TUBA1C: variants seen among roughly 807,000 people sequenced by gnomAD.
TUBA1C encodes the protein tubulin alpha 1c, also known as tubulin alpha-1C chain.
TUBA1C carries 16 observed loss-of-function variants against 34.9 expected under a neutral mutation model. The observed-to-expected ratio is 0.46, with a 90% CI of 0.31 to 0.70. The LOEUF (loss-of-function observed/expected upper bound fraction) is 0.70. TUBA1C is among the 30% of genes least tolerant of loss of function. TUBA1C has a pLI of 0.05. For missense variants in TUBA1C, 329 were observed against 587.3 expected, an observed-to-expected ratio of 0.56 and a Z score of 4.55; for synonymous variants, 177 against 215.9, an observed-to-expected ratio of 0.82 and a Z score of 1.58.
At chr12:49,254,805 G>A (rs1258309686) in intron 1 of TUBA1C, among the ~76,000 whole-genome samples, 1 of 152,024 alleles carries the variant, frequency 6.6e-6, no homozygotes, top group Non-Finnish European at 1.5e-5. Flanking sequence ...TTGTCTTTCT[G>A]GTGACCAGAC....
chr12:49,229,242 C>T (rs1359468973), intron 1 of TUBA1C, among the ~76,000 whole-genome samples: 1 of 152,046 alleles, frequency 6.6e-6, no homozygotes, highest in Non-Finnish European at 1.5e-5. Context: ...GGCATAATCT[C>T]GGCTCACTGC....
At chr12:49,246,053 C>A (rs113649300) in intron 1 of TUBA1C, among the ~76,000 whole-genome samples, 1 of 151,878 alleles carries the variant, frequency 6.6e-6, no homozygotes, top group Admixed American at 6.6e-5. Context: ...TACAGGCATG[C>A]GCCACCACGC....
At chr12:49,239,937 G>A (rs1472912865) in intron 1 of TUBA1C, among the ~76,000 whole-genome samples, 2 of 151,958 alleles carry the variant, frequency 1.3e-5, no homozygotes, top group Non-Finnish European at 2.9e-5. Flanking sequence ...TATTCCACTT[G>A]TGTGGCACAA....
chr12:49,263,034 T>TC (rs2137012808), upstream of TUBA1C, among the ~76,000 whole-genome samples: 1 of 150,150 alleles, frequency 6.7e-6, no homozygotes, highest in Admixed American at 6.6e-5. Flanking sequence ...TTTTTTTTTT[T>TC]TTTTTTTTTC....
intron 1 of TUBA1C, among the ~76,000 whole-genome samples, chr12:49,254,428 A>G (rs1277316451): frequency 7.0e-6 from 1 of 143,842 alleles, no homozygotes; most frequent in East Asian, 2.1e-4. Flanking sequence ...GCATCATTGA[A>G]CCGAGATCAT....
At chr12:49,228,542 G>T (rs1942463070) in intron 1 of TUBA1C, among the ~76,000 whole-genome samples, 1 of 152,158 alleles carries the variant, frequency 6.6e-6, no homozygotes, top group Non-Finnish European at 1.5e-5. Context: ...AATCAAATGA[G>T]CATATCCCTT....
At chr12:49,243,363 T>G (rs188457610) in intron 1 of TUBA1C, among the ~76,000 whole-genome samples, 1 of 152,026 alleles carries the variant, frequency 6.6e-6, no homozygotes, top group Non-Finnish European at 1.5e-5. Flanking sequence ...ATTGGTTGAA[T>G]CTGGGAGACA....
chr12:49,241,957 A>G (rs1024733347), intron 1 of TUBA1C, among the ~76,000 whole-genome samples: 26 of 146,716 alleles, frequency 1.8e-4, no homozygotes, highest in Admixed American at 3.4e-4. Context: ...GCCTTTATAC[A>G]TATTTTCATC....
intron 1 of TUBA1C, among the ~76,000 whole-genome samples, chr12:49,230,830 T>C (rs1311970337): frequency 6.6e-6 from 1 of 152,210 alleles, no homozygotes; most frequent in Non-Finnish European, 1.5e-5. Flanking sequence ...GGAAACTGAC[T>C]GAGAGCTGGA....
rs552054418 is a variant in TUBA1C at position 49,265,313 on chromosome 12, C to T, written c.3+129C>T. ...ACTACCCCGGGCCCCTCCGGTTAAC[C>T]TGGCTTGTGGCGGCCGGGCTGGAAG... On this transcript the variant is annotated intron_variant, in intron 1 of 3. Coordinates refer to ENST00000301072, the MANE Select transcript of TUBA1C (RefSeq NM_032704.5). 8.0e-5 allele frequency: 53 copies of T among 663,882 alleles called. No homozygotes were observed. In the East Asian group the frequency reaches 1.6e-3, roughly 20 times the overall value. 41.1% of individuals were successfully genotyped at this position (663,882 alleles called of 1,614,324 possible).
intron 1 of TUBA1C, among the ~76,000 whole-genome samples, chr12:49,252,756 A>C (rs960975151): frequency 1.3e-5 from 2 of 152,290 alleles, no homozygotes; most frequent in Admixed American, 1.3e-4. Context: ...CTGAAAAAAT[A>C]CAAAAGATTA....
chr12:49,243,044 G>C (rs1431077657), intron 1 of TUBA1C, among the ~76,000 whole-genome samples: 1 of 152,192 alleles, frequency 6.6e-6, no homozygotes, highest in Non-Finnish European at 1.5e-5. Flanking sequence ...CTAGGCTCAA[G>C]TAATCTGCCT....
chr12:49,269,470 G>C lies in TUBA1C; in HGVS notation c.9G>C (p.Glu3Asp), dbSNP rs775528479. 5.0e-6 allele frequency: 8 copies of C among 1,614,168 alleles called. No homozygotes were observed. Among genetic ancestry groups the C allele is most frequent in the Non-Finnish European group, 6.8e-6 (8 of 1,180,038 alleles). MR[E>D]CISIHVGQAG... is the part of the protein sequence containing the mutation. ...TTCCTTTCTTCCTCCCACAGCGTGAGTGCATCTCCATCCACGTTGGCCAGG... is the reference window on the plus strand; with the variant it reads ...TTCCTTTCTTCCTCCCACAGCGTGACTGCATCTCCATCCACGTTGGCCAGG... The change falls in exon 2 of 4, where the codon GAG becomes GAC. Residue 3 changes from glutamate (E) to aspartate (D), a missense_variant. This residue lies in a region of TUBA1C where 152 missense variants were observed against 240.3 expected (regional missense o/e 0.63). Transcript: ENST00000301072.
At chr12:49,261,091 G>A (rs1457370227), upstream of TUBA1C, among the ~76,000 whole-genome samples, 2 of 152,110 alleles carry the variant, frequency 1.3e-5, no homozygotes, top group Non-Finnish European at 2.9e-5. Flanking sequence ...GCTCATGCCT[G>A]TAATCCCAGC....
intron 1 of TUBA1C, among the ~76,000 whole-genome samples, chr12:49,243,650 C>T (rs776832551): frequency 5.3e-5 from 8 of 152,046 alleles, no homozygotes; most frequent in African/African-American, 1.2e-4. Context: ...CTTGCTCTAT[C>T]GCCCAGGCTG....
At chr12:49,260,942 C>T (rs1163668808), upstream of TUBA1C, among the ~76,000 whole-genome samples, 2 of 152,142 alleles carry the variant, frequency 1.3e-5, no homozygotes, top group Admixed American at 6.6e-5. Context: ...CATGTTGCCC[C>T]AGGCTGGTCT....
At chr12:49,252,480 C>T (rs1414197682) in intron 1 of TUBA1C, among the ~76,000 whole-genome samples, 1 of 152,118 alleles carries the variant, frequency 6.6e-6, no homozygotes, top group Non-Finnish European at 1.5e-5. Flanking sequence ...TCTATTTTCT[C>T]AGTGAATAAG....
chr12:49,264,821 C>T (rs1195197847), upstream of TUBA1C: 1 of 122,462 alleles, frequency 8.2e-6, no homozygotes, highest in Non-Finnish European at 1.7e-5. Context: ...CCTCCCCTTC[C>T]TCCCCTTCCT....
In TUBA1C at chr12:49,265,679, G is replaced by A. The variant is rs560463999; in HGVS notation, c.3+495G>A. ...GAGTCACCTGTGGCCCTGCCCTGGG[G>A]AGAGCTTCCAACTGCGCCAGTCCAC... On this transcript the variant is annotated intron_variant, in intron 1 of 3. Coordinates refer to ENST00000301072, the MANE Select transcript of TUBA1C (RefSeq NM_032704.5). Among the ~76,000 whole-genome samples the A allele has an allele frequency of 1.3e-4, 20 of 152,338 alleles. No individual in the cohort carries two copies. In the South Asian group the frequency reaches 3.5e-3, roughly 27 times the overall value.
Sources: allele counts gnomAD v4.1 joint callset (sites outside exome capture counted in the v4.1 genomes callset), GRCh38; gene constraint gnomAD v4.1.1; regional missense constraint gnomAD v4.1.1; transcripts MANE v1.5; gene names NCBI Gene and HGNC (gene_info 2026-07-23, HGNC 2026-07-21).